LRP1B: variants seen among roughly 807,000 people sequenced by gnomAD.
LRP1B encodes the protein low-density lipoprotein receptor-related protein 1B.
In LRP1B, 217 loss-of-function variants were observed where a neutral mutation model predicts 556.6. The observed-to-expected ratio is 0.39, with a 90% CI of 0.35 to 0.44. LRP1B has a LOEUF of 0.44. Among genes scored for constraint, LRP1B ranks in the 20% least tolerant of loss-of-function variants. LRP1B has a pLI of 1.00. For missense variants in LRP1B, 5,053 were observed against 5,620.8 expected (o/e 0.90, Z 3.23); for synonymous variants, 2,047 against 1,865.8 (o/e 1.10, Z -2.50).
intron 3 of LRP1B, among the ~76,000 whole-genome samples, chr2:141,328,556 G>A (rs180936499): frequency 1.3e-5 from 2 of 152,202 alleles, no homozygotes; most frequent in African/African-American, 4.8e-5. Context: ...GCAGTTTCCA[G>A]TTAGGACTCA....
Position 140,868,264 on chromosome 2 carries a change from C to CAA in LRP1B, c.4170-2_4170-1insTT. ...ATCCCAGTCTGTCCAGAAAAGAATT[C>CAA]TAAAAAAAAAAAAAAAAAAAGAAAT... On this transcript the variant is annotated splice_acceptor_variant, in intron 25 of 90. Coordinates refer to ENST00000389484, the MANE Select transcript of LRP1B (RefSeq NM_018557.3). LOFTEE classifies it high-confidence loss of function. The CAA allele has an allele frequency of 1.0e-6, 1 of 991,900 alleles. No homozygotes were observed. The highest frequency in any genetic ancestry group is 3.2e-5 in the East Asian group (1 of 31,064). The allele number at this position is 991,900 out of a possible 1,614,324, so 61.4% of individuals were successfully genotyped here.
At chr2:140,708,466 A>C (rs1686917638) in intron 37 of LRP1B, among the ~76,000 whole-genome samples, 1 of 151,346 alleles carries the variant, frequency 6.6e-6, no homozygotes. Flanking sequence ...CACACTGGAG[A>C]AGCGGAAATT....
intron 84 of LRP1B, 71 bp downstream of exon 84, chr2:140,297,737 G>A (rs902475912): frequency 4.1e-6 from 6 of 1,463,740 alleles, no homozygotes; most frequent in Admixed American, 2.0e-5. Context: ...GATAATGGAA[G>A]GAGTGGATAC....
At chr2:140,298,098 A>C (rs1683679562) in intron 83 of LRP1B, 129 bp from the exon 84 acceptor site, 1 of 726,058 alleles carries the variant, frequency 1.4e-6, no homozygotes, top group Non-Finnish European at 2.1e-6. Flanking sequence ...TTACTCTGTG[A>C]CTTTAGGCAG....
intron 43 of LRP1B, among the ~76,000 whole-genome samples, chr2:140,562,102 A>G (rs1327876454): frequency 6.6e-6 from 1 of 152,118 alleles, no homozygotes; most frequent in East Asian, 1.9e-4. Flanking sequence ...AAGAATATCA[A>G]TGGACAATCT....
At chr2:140,842,544 T>C (rs1404293939) in intron 29 of LRP1B, among the ~76,000 whole-genome samples, 1 of 152,216 alleles carries the variant, frequency 6.6e-6, no homozygotes, top group African/African-American at 2.4e-5. Context: ...AAATGTAAAC[T>C]TGTTTCTCAA....
rs70994458 is a variant in LRP1B, at chr2:141,850,622, CTGTGTG to C, written c.83-40227_83-40222del. ...ATATAGTTCTGCCCTAGCATAAACT[CTGTGTG>C]TGTGTGTGTGTGTGTGTGTGTGTGT... On this transcript the variant is annotated intron_variant, in intron 1 of 90. Transcript: ENST00000389484. 8.9e-3 allele frequency among the ~76,000 whole-genome samples: 1,254 copies of C among 141,126 alleles called. 20 individuals carry two copies. The highest frequency in any genetic ancestry group is 0.029 in the African/African-American group (1,094 of 38,176). 92.6% of individuals were successfully genotyped at this position (141,126 alleles called of 152,430 possible).
intron 1 of LRP1B, among the ~76,000 whole-genome samples, chr2:142,034,660 C>T (rs189723335): frequency 6.6e-6 from 1 of 151,816 alleles, no homozygotes; most frequent in Admixed American, 6.6e-5. Context: ...GCTGTTAACT[C>T]CTGAATAGAT....
chr2:140,245,896 G>T (rs1263643085), intron 87 of LRP1B, among the ~76,000 whole-genome samples: 2 of 151,154 alleles, frequency 1.3e-5, no homozygotes, highest in Non-Finnish European at 3.0e-5. Flanking sequence ...CAAATTCTAA[G>T]ATCAACTCAA....
intron 35 of LRP1B, among the ~76,000 whole-genome samples, chr2:140,731,321 C>T (rs1448343349): frequency 2.0e-5 from 3 of 152,082 alleles, no homozygotes; most frequent in Admixed American, 6.6e-5. Context: ...CTTCCTCCAG[C>T]TTTCCATACA....
At chr2:141,664,005 G>T (rs2105400515) in intron 2 of LRP1B, among the ~76,000 whole-genome samples, 1 of 151,570 alleles carries the variant, frequency 6.6e-6, no homozygotes, top group East Asian at 1.9e-4. Context: ...TAAAATACTG[G>T]CAAACCAAAT....
chr2:141,749,299 C>T (rs1437156543), intron 2 of LRP1B, among the ~76,000 whole-genome samples: 1 of 151,894 alleles, frequency 6.6e-6, no homozygotes, highest in Non-Finnish European at 1.5e-5. Context: ...CTAAGGGCAC[C>T]CTATTGTCCT....
In LRP1B at chr2:142,062,836, CT is replaced by C. The variant is rs1704971590; in HGVS notation, c.82+67811del. Reference sequence around the variant, plus strand: ...TATGCCCAGATACTTTCAACATGAACTTTTATTCTTAAGCAATTATGGGAAC... The same window carrying C: ...TATGCCCAGATACTTTCAACATGAACTTTATTCTTAAGCAATTATGGGAAC... On this transcript the variant is annotated intron_variant, in intron 1 of 90. Transcript: ENST00000389484. 4.0e-5 allele frequency among the ~76,000 whole-genome samples: 6 copies of C among 151,540 alleles called. No homozygotes were observed. The Admixed American group carries it at 4.0e-4, about 10-fold the overall frequency.
chr2:141,227,636 G>A (rs960511335), intron 6 of LRP1B, among the ~76,000 whole-genome samples: 2 of 151,986 alleles, frequency 1.3e-5, no homozygotes, highest in African/African-American at 4.8e-5. Flanking sequence ...GTTTCATTAA[G>A]AGGATCTTCA....
rs149945139 is a variant in LRP1B at position 140,961,247 on chromosome 2, A to G, written c.2888-9307T>C. Among the ~76,000 whole-genome samples, 505 of 152,150 alleles carry G rather than the reference A, an allele frequency of 3.3e-3. 2 individuals carry two copies. Among genetic ancestry groups the G allele is most frequent in the African/African-American group, 0.011 (472 of 41,582 alleles). Reference sequence around the variant, plus strand: ...TAGGCTTGATCAATATCACCTATCAATCCATCAATCTATCCTTCTATTTGT... The same window carrying G: ...TAGGCTTGATCAATATCACCTATCAGTCCATCAATCTATCCTTCTATTTGT... On this transcript the variant is annotated intron_variant, in intron 18 of 90. Coordinates refer to ENST00000389484, the MANE Select transcript of LRP1B (RefSeq NM_018557.3).
intron 3 of LRP1B, among the ~76,000 whole-genome samples, chr2:141,462,936 T>G (rs1391269821): frequency 6.8e-6 from 1 of 147,888 alleles, no homozygotes; most frequent in Non-Finnish European, 1.5e-5. Flanking sequence ...GATATCAGTA[T>G]ATTTTGTAAT....
chr2:141,315,252 A>ATTTTTTTTTTTTTTTTTTTTTTTTTT (rs34839276), intron 3 of LRP1B, among the ~76,000 whole-genome samples: 1 of 77,164 alleles, frequency 1.3e-5, no homozygotes. Context: ...AATGATTGTA[A>ATTTTTTTTTTTTTTTTTTTTTTTTTT]TTTTTTTTTT....
intron 83 of LRP1B, among the ~76,000 whole-genome samples, chr2:140,299,330 T>C (rs999987208): frequency 9.9e-5 from 15 of 152,130 alleles, no homozygotes; most frequent in African/African-American, 3.4e-4. Flanking sequence ...TTGAAAGGAC[T>C]CTACATGCTC....
intron 14 of LRP1B, among the ~76,000 whole-genome samples, chr2:141,007,529 G>C (rs1697612211): frequency 6.6e-6 from 1 of 151,448 alleles, no homozygotes; most frequent in Non-Finnish European, 1.5e-5. Flanking sequence ...GCTTTAAGCA[G>C]CTTCCAGATA....
Sources: gnomAD v4.1 joint callset for allele counts (sites outside exome capture counted in the v4.1 genomes callset) on GRCh38, gnomAD v4.1.1 for gene constraint, MANE v1.5 for transcripts, NCBI Gene and HGNC (gene_info 2026-07-23, HGNC 2026-07-21) for gene names.